CNTNAP5: variants seen among roughly 807,000 people sequenced by gnomAD.
CNTNAP5 encodes contactin associated protein family member 5, also known as contactin-associated protein-like 5.
A neutral mutation model predicts 150.2 loss-of-function variants in CNTNAP5; 72 were observed. The observed-to-expected ratio is 0.48, with a 90% CI of 0.40 to 0.58. The LOEUF (loss-of-function observed/expected upper bound fraction) is 0.58. Ranked by LOEUF, CNTNAP5 falls within the 20% of genes least tolerant of loss-of-function variation. CNTNAP5 has a pLI of 0.00. For synonymous variants in CNTNAP5, 672 were observed against 619.8 expected, an observed-to-expected ratio of 1.08 and a Z score of -1.25; for missense variants, 1,636 against 1,626.2, an observed-to-expected ratio of 1.01 and a Z score of -0.10.
At chr2:124,855,167 C>CTTTTTTTTTTTTTTTTTTTTTTT in intron 19 of CNTNAP5, among the ~76,000 whole-genome samples, 1 of 71,434 alleles carries the variant, frequency 1.4e-5, no homozygotes, top group Non-Finnish European at 2.8e-5. Context: ...TGGGCTTTTG[C>CTTTTTTTTTTTTTTTTTTTTTTT]TTTTTTTTTT....
chr2:124,910,959 C>A (rs1207456228), intron 22 of CNTNAP5, among the ~76,000 whole-genome samples: 1 of 151,982 alleles, frequency 6.6e-6, no homozygotes, highest in African/African-American at 2.4e-5. Context: ...TACCCTTAAA[C>A]TTGATGCTTT....
At chr2:124,036,940 C>G (rs930015860) in intron 1 of CNTNAP5, among the ~76,000 whole-genome samples, 2 of 152,158 alleles carry the variant, frequency 1.3e-5, no homozygotes, top group African/African-American at 4.8e-5. Context: ...GAACTCAACA[C>G]AAAGACTTAG....
At chr2:124,226,791 G>T (rs967636358) in intron 2 of CNTNAP5, among the ~76,000 whole-genome samples, 3 of 152,030 alleles carry the variant, frequency 2.0e-5, no homozygotes, top group African/African-American at 7.2e-5. Context: ...GGGTCCTCTT[G>T]CTTATGGGGA....
chr2:124,584,760 C>T (rs538842729), intron 11 of CNTNAP5, among the ~76,000 whole-genome samples: 4 of 152,160 alleles, frequency 2.6e-5, no homozygotes, highest in African/African-American at 7.2e-5. Context: ...TCCAAGGATG[C>T]CTTCAAATAA....
intron 14 of CNTNAP5, among the ~76,000 whole-genome samples, chr2:124,748,957 G>A (rs533693890): frequency 6.6e-5 from 10 of 152,192 alleles, no homozygotes; most frequent in South Asian, 2.1e-4. Context: ...TCATTATTGC[G>A]GATGCCTACA....
intron 11 of CNTNAP5, among the ~76,000 whole-genome samples, chr2:124,570,900 T>C (rs1262848659): frequency 6.6e-6 from 1 of 152,220 alleles, no homozygotes; most frequent in East Asian, 1.9e-4. Context: ...TCTGTCTCAC[T>C]CTGACAGCCT....
chr2:124,327,019 C>T (rs1386237698), intron 3 of CNTNAP5, among the ~76,000 whole-genome samples: 11 of 128,136 alleles, frequency 8.6e-5, no homozygotes, highest in Middle Eastern at 0.015. Flanking sequence ...CTCACTCTGT[C>T]GCCCAGGCTG....
intron 13 of CNTNAP5, among the ~76,000 whole-genome samples, chr2:124,716,455 CA>C (rs1262929151): frequency 1.3e-5 from 2 of 151,780 alleles, no homozygotes; most frequent in Non-Finnish European, 2.9e-5. Flanking sequence ...TAAAGCATAG[CA>C]GTAGTAATAG....
intron 21 of CNTNAP5, among the ~76,000 whole-genome samples, chr2:124,902,150 G>A (rs560691370): frequency 7.2e-5 from 11 of 152,188 alleles, no homozygotes; most frequent in African/African-American, 2.6e-4. Flanking sequence ...AAAAGAAATG[G>A]AATACTGAGT....
intron 19 of CNTNAP5, among the ~76,000 whole-genome samples, chr2:124,814,331 C>G (rs1356634007): frequency 6.6e-6 from 1 of 151,644 alleles, no homozygotes; most frequent in African/African-American, 2.4e-5. Context: ...CTCTGGGAAG[C>G]TTTCCTGGTC....
At chr2:124,746,955 T>A (rs1419322222) in intron 13 of CNTNAP5, among the ~76,000 whole-genome samples, 5 of 150,670 alleles carry the variant, frequency 3.3e-5, no homozygotes, top group Admixed American at 3.3e-4. Context: ...TGGGCACATA[T>A]AGATGTAGAA....
intron 4 of CNTNAP5, among the ~76,000 whole-genome samples, chr2:124,427,579 C>G (rs965552601): frequency 6.6e-6 from 1 of 151,946 alleles, no homozygotes; most frequent in Admixed American, 6.6e-5. Flanking sequence ...GCCTCAGCCT[C>G]CCGAGTAGCT....
rs144446905 is a variant in CNTNAP5 at position 124,918,301 on chromosome 2, C to T, written c.*4013C>T. On this transcript the variant is annotated 3_prime_UTR_variant, in exon 24 of 24. Coordinates refer to ENST00000682447, the MANE Select transcript of CNTNAP5 (RefSeq NM_001367498.1). ...TTGTCATCCAGCTCTTCCTAAAACCCTCCTTAGTCCTGATGAGCCATTTTG... is the reference window on the plus strand; with the variant it reads ...TTGTCATCCAGCTCTTCCTAAAACCTTCCTTAGTCCTGATGAGCCATTTTG... Among the ~76,000 whole-genome samples the T allele has an allele frequency of 0.035, 5,384 of 152,138 alleles. 146 individuals are homozygous for T. The highest frequency in any genetic ancestry group is 0.082 in the Middle Eastern group (24 of 294).
intron 13 of CNTNAP5, among the ~76,000 whole-genome samples, chr2:124,674,526 T>TC (rs2105061334): frequency 7.4e-6 from 1 of 134,796 alleles, no homozygotes; most frequent in African/African-American, 2.7e-5. Context: ...TTTCTTTCTT[T>TC]CTTTCTTTCT....
intron 1 of CNTNAP5, among the ~76,000 whole-genome samples, chr2:124,047,907 C>T (rs1681582256): frequency 6.6e-6 from 1 of 152,144 alleles, no homozygotes; most frequent in African/African-American, 2.4e-5. Context: ...TTCTGGTGCT[C>T]TCAGTGTCTT....
intron 3 of CNTNAP5, among the ~76,000 whole-genome samples, chr2:124,265,264 C>T (rs955566988): frequency 2.6e-5 from 4 of 152,130 alleles, no homozygotes; most frequent in Admixed American, 6.5e-5. Context: ...TCTTTTCCAG[C>T]GCAGCTCATC....
chr2:124,475,394 G>A (rs1693616691), intron 7 of CNTNAP5, among the ~76,000 whole-genome samples: 1 of 151,968 alleles, frequency 6.6e-6, no homozygotes, highest in Non-Finnish European at 1.5e-5. Context: ...CCCTAATAAT[G>A]AGTTTCATGA....
At chr2:124,904,287 A>C (rs777134384) in intron 22 of CNTNAP5, among the ~76,000 whole-genome samples, 1 of 152,128 alleles carries the variant, frequency 6.6e-6, no homozygotes, top group Non-Finnish European at 1.5e-5. Flanking sequence ...AGGTTATTCC[A>C]TAGTGTCACA....
chr2:124,893,699 C>T (rs1224113646), intron 21 of CNTNAP5, among the ~76,000 whole-genome samples: 3 of 152,054 alleles, frequency 2.0e-5, no homozygotes, highest in Admixed American at 6.6e-5. Flanking sequence ...CACAGAAAGG[C>T]AAGTAGCACT....
Sources: allele counts gnomAD v4.1 joint callset (sites outside exome capture counted in the v4.1 genomes callset), GRCh38; gene constraint gnomAD v4.1.1; transcripts MANE v1.5; gene names NCBI Gene and HGNC (gene_info 2026-07-23, HGNC 2026-07-21).